Variants in PCM1 observed in about 807,000 individuals in gnomAD.
PCM1 encodes pericentriolar material 1.
PCM1 carries 157 observed loss-of-function variants against 241.9 expected under a neutral mutation model. The observed-to-expected ratio is 0.65, with a 90% CI of 0.57 to 0.74. The LOEUF (loss-of-function observed/expected upper bound fraction) is 0.74. PCM1 is among the 30% of genes least tolerant of loss of function. The pLI is 0.00. For synonymous variants in PCM1, 1,085 were observed against 784.9 expected, an observed-to-expected ratio of 1.38 and a Z score of -6.39; for missense variants, 3,478 against 2,360.1, an observed-to-expected ratio of 1.47 and a Z score of -9.81.
chr8:18,024,209 A>C (rs1168624324), intron 36 of PCM1, among the ~76,000 whole-genome samples: 1 of 152,194 alleles, frequency 6.6e-6, no homozygotes, highest in Non-Finnish European at 1.5e-5. Flanking sequence ...TCTACAAAAA[A>C]TTAAAAATTA....
intron 2 of PCM1, among the ~76,000 whole-genome samples, chr8:17,929,493 G>A (rs1329273194): frequency 6.6e-6 from 1 of 152,288 alleles, no homozygotes; most frequent in African/African-American, 2.4e-5. Flanking sequence ...TTTATTGGGT[G>A]TATTATAGGC....
rs541090317 is a variant in PCM1 at position 17,927,696 on chromosome 8, G to C, written c.-23+2916G>C. 3 of 151,828 alleles carry C rather than the reference G, an allele frequency of 2.0e-5. No individual in the cohort carries two copies. The East Asian group carries it at 5.8e-4, about 30-fold the overall frequency. 9.4% of individuals were successfully genotyped at this position (151,828 alleles called of 1,614,324 possible). ...CTCCCTAGTAGCTGGGATTACAGAC[G>C]CGTGCCACCACGTCCGACTAATTTT... On this transcript the variant is annotated intron_variant, in intron 2 of 38. Coordinates refer to ENST00000325083, the MANE Select transcript of PCM1 (RefSeq NM_006197.4).
Position 18,027,852 on chromosome 8 carries a change from G to T in PCM1, c.*190G>T. The T allele has an allele frequency of 2.5e-6, 1 of 400,938 alleles. No homozygotes were observed. Among genetic ancestry groups the T allele is most frequent in the Non-Finnish European group, 4.4e-6 (1 of 226,276 alleles). 24.8% of individuals were successfully genotyped at this position (400,938 alleles called of 1,614,324 possible). A position where few individuals can be genotyped will look rare whatever the true frequency, so the allele number is the denominator to read the frequency against. On this transcript the variant is annotated 3_prime_UTR_variant, in exon 39 of 39. Transcript: ENST00000325083. ...TGAATTCTGGACAGATTTAAGCCTTGACACACTGTGTTTTTTTTTTTTTCC... is the reference window on the plus strand; with the variant it reads ...TGAATTCTGGACAGATTTAAGCCTTTACACACTGTGTTTTTTTTTTTTTCC...
rs2094412188 is a variant in PCM1, at chr8:18,029,580, C to T, written c.*1918C>T. 1 of 206,808 alleles carries T rather than the reference C, an allele frequency of 4.8e-6. No individual in the cohort carries two copies. Among genetic ancestry groups the T allele is most frequent in the Admixed American group, 5.9e-5 (1 of 16,878 alleles). 12.8% of individuals were successfully genotyped at this position (206,808 alleles called of 1,614,324 possible). On this transcript the variant is annotated 3_prime_UTR_variant, in exon 39 of 39. Coordinates refer to ENST00000325083, the MANE Select transcript of PCM1 (RefSeq NM_006197.4). ...GTACCTATGAACCTTATCAAAATTG[C>T]TTATTTGACTGGTGTTACAGCTGCT... is the stretch of plus-strand genomic sequence containing the variant.
At chr8:17,958,746 A>G (rs1022694038) in intron 13 of PCM1, among the ~76,000 whole-genome samples, 3 of 152,110 alleles carry the variant, frequency 2.0e-5, no homozygotes, top group East Asian at 1.9e-4. Context: ...TTTGGGGACA[A>G]GGTCTTGCTC....
At chr8:18,018,165 A>AT (rs2093405103) in intron 36 of PCM1, among the ~76,000 whole-genome samples, 1 of 152,236 alleles carries the variant, frequency 6.6e-6, no homozygotes, top group South Asian at 2.1e-4. Flanking sequence ...GCCTTCCTAC[A>AT]ATATGACACT....
Position 17,967,194 on chromosome 8 carries a change from A to C in PCM1, c.3412+24A>C, listed in dbSNP as rs1034752503. The C allele has an allele frequency of 8.6e-6, 13 of 1,516,458 alleles. No homozygotes were observed. The African/African-American group carries it at 1.8e-4, about 21-fold the overall frequency. The allele number at this position is 1,516,458 out of a possible 1,614,324, so 93.9% of individuals were successfully genotyped here. Reference sequence around the variant, plus strand: ...AGGTAGGTGACTTAACCTAAAGAGAAAATAAATAAAAGCAAAGTGTTTGGA... The same window carrying C: ...AGGTAGGTGACTTAACCTAAAGAGACAATAAATAAAAGCAAAGTGTTTGGA... On this transcript the variant is annotated intron_variant, in intron 21 of 38. Coordinates refer to ENST00000325083, the MANE Select transcript of PCM1 (RefSeq NM_006197.4).
At chr8:17,926,792 A>G (rs1387831307) in intron 2 of PCM1, 1 of 152,242 alleles carries the variant, frequency 6.6e-6, no homozygotes, top group Non-Finnish European at 1.5e-5. Flanking sequence ...AGGAAGGCTA[A>G]GAGCAGTTTC....
Position 18,025,577 on chromosome 8 carries a change from CA to C in PCM1, c.5969del (p.Gln1990ArgfsTer17). On this transcript the variant is annotated frameshift_variant, in exon 38 of 39. Coordinates refer to ENST00000325083, the MANE Select transcript of PCM1 (RefSeq NM_006197.4). LOFTEE classifies it high-confidence loss of function. ...DLRKKMVEEE[Q>X]KNHLSGEICE... Reference sequence around the variant, plus strand: ...AAGAAAGAAAATGGTAGAAGAAGAACAGAAAAACCATTTATCTGGTGAAATA... The same window carrying C: ...AAGAAAGAAAATGGTAGAAGAAGAACGAAAAACCATTTATCTGGTGAAATA... 1.3e-6 allele frequency: 2 copies of C among 1,583,060 alleles called. No homozygotes were observed. Among genetic ancestry groups the C allele is most frequent in the Non-Finnish European group, 1.7e-6 (2 of 1,164,750 alleles).
chr8:17,963,426 C>T (rs932643107), intron 17 of PCM1, 135 bp downstream of exon 17: 1 of 575,558 alleles, frequency 1.7e-6, no homozygotes, highest in Non-Finnish European at 3.0e-6. Flanking sequence ...TTAACTACCA[C>T]CTTTGTGACC....
chr8:18,004,406 C>G (rs1358178567), intron 29 of PCM1, among the ~76,000 whole-genome samples: 2 of 152,142 alleles, frequency 1.3e-5, no homozygotes, highest in African/African-American at 4.8e-5. Context: ...ACTAGCATAT[C>G]TAGAGTTACC....
intron 6 of PCM1, 116 bp downstream of exon 6, chr8:17,939,977 A>T: frequency 8.1e-7 from 1 of 1,229,738 alleles, no homozygotes; most frequent in South Asian, 1.3e-5. Context: ...AAATCATGCC[A>T]TCCATTATAA....
At chr8:17,935,846 A>G (rs1403615692) in intron 3 of PCM1, 140 bp downstream of exon 3, 3 of 481,572 alleles carry the variant, frequency 6.2e-6, no homozygotes, top group African/African-American at 5.9e-5. Context: ...GCCGTTTATT[A>G]TATTAATTGA....
chr8:17,941,877 ACTT>A (rs1489906015), intron 6 of PCM1, among the ~76,000 whole-genome samples: 1 of 152,014 alleles, frequency 6.6e-6, no homozygotes, highest in African/African-American at 2.4e-5. Context: ...CTAAATGAGC[ACTT>A]CTTCTGTTCA....
In PCM1 at chr8:17,964,598, GT is replaced by G. The variant is rs1327431211; in HGVS notation, c.2686del (p.Cys896ValfsTer3). On this transcript the variant is annotated frameshift_variant, in exon 18 of 39. Transcript: ENST00000325083. LOFTEE classifies it high-confidence loss of function. Reference protein sequence around the residue: ...TMATWGGSTQCALDEEGDEDG... With the variant: ...TMATWGGSTQXALDEEGDEDG... ...TGGCAACTTGGGGAGGGTCTACCCA[GT>G]GTGCACTAGATGAAGAAGGAGATGA... 1 of 1,613,772 alleles carries G rather than the reference GT, an allele frequency of 6.2e-7. No individual in the cohort carries two copies. Among genetic ancestry groups the G allele is most frequent in the Non-Finnish European group, 8.5e-7 (1 of 1,179,838 alleles).
chr8:18,023,073 A>T (rs981025790), intron 36 of PCM1, among the ~76,000 whole-genome samples: 4 of 152,186 alleles, frequency 2.6e-5, no homozygotes, highest in African/African-American at 9.7e-5. Flanking sequence ...AACCATGACA[A>T]TCACATCATT....
chr8:17,997,644 G>T (rs2087388686), intron 29 of PCM1, among the ~76,000 whole-genome samples: 1 of 152,000 alleles, frequency 6.6e-6, no homozygotes, highest in African/African-American at 2.4e-5. Flanking sequence ...TCTTTAGTAT[G>T]TCAGTTGCGT....
chr8:17,968,206 G>C (rs182161823), intron 21 of PCM1, among the ~76,000 whole-genome samples: 3 of 152,286 alleles, frequency 2.0e-5, no homozygotes, highest in Admixed American at 2.0e-4. Context: ...AGGTATTTAA[G>C]TGTGGCTAGT....
At chr8:17,965,094 C>A (rs1045632997) in intron 18 of PCM1, among the ~76,000 whole-genome samples, 4 of 151,998 alleles carry the variant, frequency 2.6e-5, no homozygotes, top group African/African-American at 9.7e-5. Context: ...AAAAGACTTA[C>A]TTACGTTTCC....
Sources: allele counts gnomAD v4.1 joint callset (sites outside exome capture counted in the v4.1 genomes callset), GRCh38; gene constraint gnomAD v4.1.1; transcripts MANE v1.5; gene names NCBI Gene and HGNC (gene_info 2026-07-23, HGNC 2026-07-21).